Variants in NCKAP5 observed in about 807,000 individuals in gnomAD.
NCKAP5 encodes NCK associated protein 5.
In NCKAP5, 92 loss-of-function variants were observed where a neutral mutation model predicts 167.0. The observed-to-expected ratio is 0.55, with a 90% CI of 0.47 to 0.66. The LOEUF (loss-of-function observed/expected upper bound fraction) is 0.66. NCKAP5 is among the 30% of genes least tolerant of loss of function. NCKAP5 has a pLI of 0.00. For synonymous variants in NCKAP5, 891 were observed against 877.4 expected (o/e 1.02, Z -0.27); for missense variants, 2,378 against 2,315.0 (o/e 1.03, Z -0.56).
chr2:133,238,101 A>C (rs1239127146), intron 4 of NCKAP5, among the ~76,000 whole-genome samples: 1 of 152,210 alleles, frequency 6.6e-6, no homozygotes, highest in Admixed American at 6.5e-5. Context: ...AGGTTAACTC[A>C]CTTAGTCAAG....
chr2:132,883,304 C>A (rs1279108378), intron 8 of NCKAP5, among the ~76,000 whole-genome samples: 1 of 152,032 alleles, frequency 6.6e-6, no homozygotes, highest in African/African-American at 2.4e-5. Flanking sequence ...TCCTTTCTCT[C>A]CTTTTTTCCT....
chr2:132,994,884 C>T (rs376265202), intron 6 of NCKAP5, among the ~76,000 whole-genome samples: 1 of 152,118 alleles, frequency 6.6e-6, no homozygotes, highest in Non-Finnish European at 1.5e-5. Flanking sequence ...GGCTACAAAC[C>T]TGTATAACAT....
chr2:133,508,545 C>G (rs535325100), intron 3 of NCKAP5, among the ~76,000 whole-genome samples: 3 of 152,168 alleles, frequency 2.0e-5, no homozygotes, highest in Admixed American at 1.3e-4. Flanking sequence ...CATTCCTGTG[C>G]TGATCAATGA....
At chr2:132,967,598 G>T (rs921136760) in intron 7 of NCKAP5, among the ~76,000 whole-genome samples, 1 of 152,116 alleles carries the variant, frequency 6.6e-6, no homozygotes, top group Non-Finnish European at 1.5e-5. Context: ...AAAGGAGGGG[G>T]AGAGGATGCT....
intron 3 of NCKAP5, among the ~76,000 whole-genome samples, chr2:133,388,665 G>C (rs1687173285): frequency 6.6e-6 from 1 of 152,174 alleles, no homozygotes; most frequent in Admixed American, 6.5e-5. Context: ...AGGCCTCCTT[G>C]AACTGTGGTG....
intron 8 of NCKAP5, among the ~76,000 whole-genome samples, chr2:132,952,747 A>G (rs1243240300): frequency 2.0e-5 from 3 of 152,162 alleles, no homozygotes; most frequent in African/African-American, 4.8e-5. Flanking sequence ...TGATGGTAGA[A>G]CTTCAATTTA....
intron 4 of NCKAP5, among the ~76,000 whole-genome samples, chr2:133,288,563 C>T (rs1679332078): frequency 6.6e-6 from 1 of 151,448 alleles, no homozygotes; most frequent in Non-Finnish European, 1.5e-5. Context: ...TAATATTGTA[C>T]AATTAACTTT....
rs116268318 is a variant in NCKAP5 at position 133,141,884 on chromosome 2, A to G, written c.208-11773T>C. Among the ~76,000 whole-genome samples the G allele has an allele frequency of 5.0e-4, 76 of 152,338 alleles. No homozygotes were observed. The South Asian group carries it at 0.016, about 31-fold the overall frequency. Reference sequence around the variant, plus strand: ...TTCCCTTATCCTTGTTAGCAAATGCAAACTTTTACATTTTATCATGCTGCT... The same window carrying G: ...TTCCCTTATCCTTGTTAGCAAATGCGAACTTTTACATTTTATCATGCTGCT... On this transcript the variant is annotated intron_variant, in intron 5 of 19. Coordinates refer to ENST00000409261, the MANE Select transcript of NCKAP5 (RefSeq NM_207363.3).
At chr2:133,477,907 A>T (rs1286177829) in intron 3 of NCKAP5, among the ~76,000 whole-genome samples, 1 of 152,160 alleles carries the variant, frequency 6.6e-6, no homozygotes, top group Admixed American at 6.5e-5. Flanking sequence ...AAACCTATGA[A>T]TTATTTATTT....
chr2:133,402,133 T>C (rs1044859290), intron 3 of NCKAP5, among the ~76,000 whole-genome samples: 7 of 152,122 alleles, frequency 4.6e-5, no homozygotes, highest in African/African-American at 1.7e-4. Context: ...GGTTGGATTA[T>C]TGGTGGAAAA....
intron 11 of NCKAP5, among the ~76,000 whole-genome samples, chr2:132,819,389 C>A (rs1686537662): frequency 6.6e-6 from 1 of 152,242 alleles, no homozygotes; most frequent in Non-Finnish European, 1.5e-5. Flanking sequence ...TGTATTGTTG[C>A]AATCTAGACC....
At chr2:133,108,070 G>A (rs145095649) in intron 6 of NCKAP5, among the ~76,000 whole-genome samples, 248 of 152,252 alleles carry the variant, frequency 1.6e-3, no homozygotes, top group African/African-American at 5.6e-3. Flanking sequence ...ATGATGATAA[G>A]CATTTAATAA....
At chr2:133,569,178 A>G (rs966264175), upstream of NCKAP5, among the ~76,000 whole-genome samples, 3 of 115,100 alleles carry the variant, frequency 2.6e-5, no homozygotes, top group South Asian at 3.0e-4. Flanking sequence ...CCCACTCACA[A>G]CTATCAAAAT....
At chr2:133,671,986 A>G in the NCKAP5 span, among the ~76,000 whole-genome samples, 3 of 152,356 alleles carry the variant, frequency 2.0e-5, no homozygotes, top group South Asian at 4.1e-4. Flanking sequence ...ACCAAAACAG[A>G]GAAACAAATA....
chr2:133,633,754 T>A, the NCKAP5 span, among the ~76,000 whole-genome samples: 2 of 152,136 alleles, frequency 1.3e-5, no homozygotes, highest in African/African-American at 2.4e-5. Context: ...CTGAGGGGGA[T>A]TTGAACCCAA....
At chr2:133,365,049 C>A (rs1371181538) in intron 3 of NCKAP5, among the ~76,000 whole-genome samples, 2 of 152,100 alleles carry the variant, frequency 1.3e-5, no homozygotes, top group Admixed American at 1.3e-4. Context: ...CCATGCCTGG[C>A]CTTTATAATT....
intron 3 of NCKAP5, among the ~76,000 whole-genome samples, chr2:133,406,425 C>T (rs553031932): frequency 1.1e-4 from 16 of 152,102 alleles, no homozygotes; most frequent in Middle Eastern, 3.4e-3. Flanking sequence ...TGAGAAGAGA[C>T]GTGAAATATA....
intron 3 of NCKAP5, among the ~76,000 whole-genome samples, chr2:133,407,490 G>C (rs1037342569): frequency 6.6e-6 from 1 of 152,206 alleles, no homozygotes; most frequent in Non-Finnish European, 1.5e-5. Flanking sequence ...GGGTGGGTTG[G>C]TTGCGGGAGG....
At chr2:132,890,549 G>A (rs1160165318) in intron 8 of NCKAP5, among the ~76,000 whole-genome samples, 2 of 152,156 alleles carry the variant, frequency 1.3e-5, no homozygotes, top group Non-Finnish European at 2.9e-5. Context: ...ACATCCTGAG[G>A]AAAAAGTCCC....
Sources: gnomAD v4.1 joint callset for allele counts (sites outside exome capture counted in the v4.1 genomes callset) on GRCh38, gnomAD v4.1.1 for gene constraint, MANE v1.5 for transcripts, NCBI Gene and HGNC (gene_info 2026-07-23, HGNC 2026-07-21) for gene names.